Variants in MUC4 observed in about 807,000 individuals in gnomAD.
The protein encoded by MUC4 is mucin-4.
In MUC4, 202 loss-of-function variants were observed where a neutral mutation model predicts 257.9. That is an observed-to-expected ratio of 0.78 (90% CI 0.70 to 0.88). The LOEUF is 0.88. Ranked by LOEUF, MUC4 falls within the 40% of genes least tolerant of loss-of-function variation. The probability of loss-of-function intolerance (pLI) is 0.00; values close to 1 mark genes in which losing one functional copy is unlikely to be tolerated. For missense variants in MUC4, 5,976 were observed against 6,513.7 expected, an observed-to-expected ratio of 0.92 and a Z score of 2.84; for synonymous variants, 2,351 against 2,757.1, an observed-to-expected ratio of 0.85 and a Z score of 4.62.
chr3:195,803,756 G>A (rs1406786802), intron 1 of MUC4, among the ~76,000 whole-genome samples: 2 of 152,226 alleles, frequency 1.3e-5, no homozygotes, highest in African/African-American at 2.4e-5. Context: ...CCGGGGGCTC[G>A]GGGTAAGAGC....
rs774084909 is a variant in MUC4, at chr3:195,788,611, G to T, written c.2969C>A (p.Thr990Asn). 2.5e-6 allele frequency: 4 copies of T among 1,591,922 alleles called. No homozygotes were observed. The highest frequency in any genetic ancestry group is 1.8e-5 in the Admixed American group (1 of 55,160). The change falls in exon 2 of 25, where the codon ACC becomes AAC. Residue 990 changes from threonine (T) to asparagine (N), a missense_variant. Coordinates refer to ENST00000463781, the MANE Select transcript of MUC4 (RefSeq NM_018406.7). Reference protein sequence around the residue: ...TYASSASTGHTTPLHVTDASS... With the variant: ...TYASSASTGHNTPLHVTDASS... ...AGCATCGGTGACATGAAGAGGGGTG[G>T]TGTGACCTGTGGATGCCGAGGAAGC...
intron 8 of MUC4, 143 bp downstream of exon 8, chr3:195,766,520 G>A (rs1399707154): frequency 1.4e-6 from 1 of 711,328 alleles, no homozygotes; most frequent in Admixed American, 2.3e-5. Flanking sequence ...ACCTAGACCT[G>A]TAGGAGGTTG....
intron 19 of MUC4, chr3:195,753,915 C>T (rs1169468563): frequency 8.1e-6 from 3 of 371,864 alleles, no homozygotes; most frequent in East Asian, 4.1e-5. Context: ...GTCTTTCGCC[C>T]GGGGCTCCCC....
intron 1 of MUC4, among the ~76,000 whole-genome samples, chr3:195,803,581 C>T (rs967815739): frequency 6.6e-6 from 1 of 152,204 alleles, no homozygotes; most frequent in African/African-American, 2.4e-5. Context: ...ATGAATAATA[C>T]AAATGTTCAC....
chr3:195,811,671 T>C (rs1340725463), intron 1 of MUC4, 65 bp downstream of exon 1: 2 of 1,487,672 alleles, frequency 1.3e-6, no homozygotes, highest in African/African-American at 2.8e-5. Flanking sequence ...CCTCTTTCTC[T>C]GACAGCTCCC....
At chr3:195,765,490 G>T (rs372104408) in intron 8 of MUC4, 41 bp from the exon 9 acceptor site, 1 of 1,573,876 alleles carries the variant, frequency 6.4e-7, no homozygotes, top group Non-Finnish European at 8.7e-7. Context: ...ATCCAGGGCT[G>T]GGGCTGCAGG....
At position 195,775,410 on chromosome 3, in the gene MUC4, C is replaced by CCATACCTTCCACAGT. The variant is rs1560283505; in HGVS notation, c.12944-1106_12944-1105insACTGTGGAAGGTATG. 3.6e-4 allele frequency among the ~76,000 whole-genome samples: 38 copies of CCATACCTTCCACAGT among 105,368 alleles called. 3 individuals are homozygous for CCATACCTTCCACAGT. Among genetic ancestry groups the CCATACCTTCCACAGT allele is most frequent in the South Asian group, 1.2e-3 (4 of 3,308 alleles). 69.1% of individuals were successfully genotyped at this position (105,368 alleles called of 152,430 possible). A position where few individuals can be genotyped will look rare whatever the true frequency, so the allele number is the denominator to read the frequency against. On this transcript the variant is annotated intron_variant, in intron 3 of 24. Coordinates refer to ENST00000463781, the MANE Select transcript of MUC4 (RefSeq NM_018406.7). The stretch of plus-strand genomic sequence containing the variant: ...CCTTCCACACCCATACCTTCCACAC[C>CCATACCTTCCACAGT]CATACCTTCCACACCCATACCTTCC...
chr3:195,804,098 G>A (rs1424154496), intron 1 of MUC4, among the ~76,000 whole-genome samples: 1 of 152,188 alleles, frequency 6.6e-6, no homozygotes, highest in African/African-American at 2.4e-5. Context: ...TCTCTCAGAG[G>A]AAGAGTCTCC....
Position 195,788,885 on chromosome 3 carries a change from G to T in MUC4, c.2695C>A (p.Gln899Lys), listed in dbSNP as rs771999318. 1.1e-5 allele frequency: 18 copies of T among 1,613,678 alleles called. No individual in the cohort carries two copies. The East Asian group carries it at 3.8e-4, about 34-fold the overall frequency. Reference sequence around the variant, plus strand: ...ATCCGGGAAATGGCGGCTGTCTCCTGAGGAGAGGCACTGGGAGAAGTTGGG... The same window carrying T: ...ATCCGGGAAATGGCGGCTGTCTCCTTAGGAGAGGCACTGGGAGAAGTTGGG... Reference protein sequence around the residue: ...SSPTSPSASPQETAAISRMAQ... With the variant: ...SSPTSPSASPKETAAISRMAQ... The change falls in exon 2 of 25, where the codon CAG (glutamine) becomes AAG (lysine). Residue 899 changes from glutamine to lysine, a missense_variant. Gln to Lys is a moderately conservative substitution (Grantham distance 53, BLOSUM62 1). Transcript: ENST00000463781.
At chr3:195,754,875 A>G (rs1717278750) in intron 18 of MUC4, among the ~76,000 whole-genome samples, 1 of 21,912 alleles carries the variant, frequency 4.6e-5, no homozygotes, top group Non-Finnish European at 2.0e-4. Flanking sequence ...GTATCAATGT[A>G]TGTATCCATG....
rs1308703439 is a variant in MUC4, at chr3:195,754,377, A to T, written c.15169-5T>A. ...GTCACACTTGCAGCCAGCCACCTGG[A>T]GGAGGGTTGCCGATCACGGGCGGCC... On this transcript the variant is annotated splice_region_variant and splice_polypyrimidine_tract_variant and intron_variant, in intron 18 of 24. Transcript: ENST00000463781. 2 of 1,603,520 alleles carry T rather than the reference A, an allele frequency of 1.2e-6. No individual in the cohort carries two copies. The highest frequency in any genetic ancestry group is 2.2e-5 in the South Asian group (2 of 90,022).
At position 195,749,030 on chromosome 3, in the gene MUC4, G is replaced by A. The variant is rs371206636; in HGVS notation, c.15906C>T (p.Cys5302=). The A allele has an allele frequency of 1.2e-4, 197 of 1,608,426 alleles. No homozygotes were observed. The highest frequency in any genetic ancestry group is 1.0e-3 in the South Asian group (92 of 89,828). The change falls in exon 24 of 25, where the codon TGC becomes TGT. Residue 5302 remains cysteine (C), a synonymous_variant. Transcript: ENST00000463781. ...CCAGGTCGTAGCCCTTGTAGCCATC[G>A]CATCTGAAGTAAGCCTTCAGCGTGC... ...NVSTLKAYFR[C]DGYKGYDLVY...
Position 195,750,879 on chromosome 3 carries a change from A to G in MUC4, c.15871+10T>C. 6.2e-7 allele frequency: 1 copy of G among 1,612,270 alleles called. No homozygotes were observed. Among genetic ancestry groups the G allele is most frequent in the South Asian group, 1.1e-5 (1 of 90,980 alleles). On this transcript the variant is annotated intron_variant, in intron 23 of 24. Coordinates refer to ENST00000463781, the MANE Select transcript of MUC4 (RefSeq NM_018406.7). ...GACCCCCATAGTGTCCCCGGAATGGACGGACTCACGGGCTGTCACATCGCG... is the reference window on the plus strand; with the variant it reads ...GACCCCCATAGTGTCCCCGGAATGGGCGGACTCACGGGCTGTCACATCGCG...
chr3:195,765,461 G>T lies in MUC4; in HGVS notation c.13619-12C>A. On this transcript the variant is annotated splice_polypyrimidine_tract_variant and intron_variant, in intron 8 of 24. Transcript: ENST00000463781. ...CAGCCCTTGGAGGCCTGAGGTCGGG[G>T]ATGGGGGGGAAAGGGCTTATCCAGG... 6.2e-7 allele frequency: 1 copy of T among 1,607,894 alleles called. No homozygotes were observed. Among genetic ancestry groups the T allele is most frequent in the Middle Eastern group, 1.7e-4 (1 of 6,036 alleles).
At chr3:195,766,521 T>C (rs1720530154) in intron 8 of MUC4, 142 bp downstream of exon 8, 1 of 705,796 alleles carries the variant, frequency 1.4e-6, no homozygotes, top group Non-Finnish European at 2.5e-6. Context: ...CCTAGACCTG[T>C]AGGAGGTTGA....
chr3:195,761,225 G>T, intron 15 of MUC4, 108 bp from the exon 16 acceptor site: 1 of 1,060,576 alleles, frequency 9.4e-7, no homozygotes, highest in Non-Finnish European at 1.4e-6. Context: ...CGGTGGGAGT[G>T]CAGGGCCAGA....
At chr3:195,767,555 TTACCATTGCCACCACCATCAC>T (rs1721091115) in intron 7 of MUC4, among the ~76,000 whole-genome samples, 1 of 53,078 alleles carries the variant, frequency 1.9e-5, no homozygotes, top group Admixed American at 1.8e-4. Context: ...ACCATCACCA[TTACCATTGCCACCACCATCAC>T]CACCACCATC....
intron 13 of MUC4, 40 bp downstream of exon 13, chr3:195,762,815 C>G: frequency 1.3e-6 from 2 of 1,494,982 alleles, no homozygotes; most frequent in Non-Finnish European, 1.8e-6. Context: ...CCTCGCTGCT[C>G]CCGGTGCGGG....
In MUC4 at chr3:195,769,011, T is replaced by G. The variant is rs752614845; in HGVS notation, c.13529+11A>C. The G allele has an allele frequency of 6.2e-7, 1 of 1,609,226 alleles. No individual in the cohort carries two copies. Among genetic ancestry groups the G allele is most frequent in the African/African-American group, 1.3e-5 (1 of 74,946 alleles). On this transcript the variant is annotated intron_variant, in intron 7 of 24. Transcript: ENST00000463781. ...CCAACTGCTCAGTGCTGACAGCCCC[T>G]CCCATCCTACCTAGAGAAGCCCATG...
Sources: allele counts gnomAD v4.1 joint callset (sites outside exome capture counted in the v4.1 genomes callset), GRCh38; gene constraint gnomAD v4.1.1; transcripts MANE v1.5; gene names NCBI Gene and HGNC (gene_info 2026-07-23, HGNC 2026-07-21).